Variants in KIAA1217 observed in about 807,000 individuals in gnomAD.
The protein encoded by KIAA1217 is sickle tail protein homolog.
In KIAA1217, 88 loss-of-function variants were observed where a neutral mutation model predicts 163.9. The observed-to-expected ratio is 0.54, with a 90% CI of 0.45 to 0.64. The LOEUF (loss-of-function observed/expected upper bound fraction) is 0.64, where lower values mean the gene tolerates loss of function less well. KIAA1217 is among the 30% of genes least tolerant of loss of function. The pLI is 0.00. For synonymous variants in KIAA1217, 903 were observed against 923.1 expected (o/e 0.98, Z 0.39); for missense variants, 2,372 against 2,475.0 (o/e 0.96, Z 0.88).
intron 2 of KIAA1217, among the ~76,000 whole-genome samples, chr10:24,290,891 C>T (rs530222172): frequency 3.3e-5 from 5 of 152,230 alleles, no homozygotes; most frequent in Non-Finnish European, 4.4e-5. Context: ...CATGATCCAC[C>T]GTGCCTGGCC....
At chr10:23,973,496 C>T (rs1158846033) in intron 1 of KIAA1217, among the ~76,000 whole-genome samples, 1 of 152,184 alleles carries the variant, frequency 6.6e-6, no homozygotes, top group Non-Finnish European at 1.5e-5. Flanking sequence ...ACCGTTCATT[C>T]CTGAAGTGGT....
In KIAA1217 at chr10:24,254,715, G is replaced by A. The variant is rs193190960; in HGVS notation, c.354+34806G>A. Among the ~76,000 whole-genome samples the A allele has an allele frequency of 1.4e-4, 22 of 152,316 alleles. No individual in the cohort carries two copies. The East Asian group carries it at 2.7e-3, about 19-fold the overall frequency. On this transcript the variant is annotated intron_variant, in intron 2 of 20. Coordinates refer to ENST00000376454, the MANE Select transcript of KIAA1217 (RefSeq NM_019590.5). ...CAGTTGGTGATTTGGGCTTTGCCAC[G>A]TGGTGGGAATGACACAATAAATATA...
At chr10:24,542,109 T>G (rs950603530) in intron 17 of KIAA1217, among the ~76,000 whole-genome samples, 1 of 152,204 alleles carries the variant, frequency 6.6e-6, no homozygotes, top group Non-Finnish European at 1.5e-5. Flanking sequence ...CGTCCCCAAA[T>G]GCCAAACCCA....
At position 24,286,455 on chromosome 10, in the gene KIAA1217, T is replaced by TACAC. The variant is rs564445274; in HGVS notation, c.354+66560_354+66563dup. On this transcript the variant is annotated intron_variant, in intron 2 of 20. Coordinates refer to ENST00000376454, the MANE Select transcript of KIAA1217 (RefSeq NM_019590.5). Reference sequence around the variant, plus strand: ...ACACACACACACGCATATATATATATACACACACACACACACATACACATA... The same window carrying TACAC: ...ACACACACACACGCATATATATATATACACACACACACACACACACATACACATA... Among the ~76,000 whole-genome samples, 1,414 of 150,244 alleles carry TACAC rather than the reference T, an allele frequency of 9.4e-3. 28 individuals carry two copies. Among genetic ancestry groups the TACAC allele is most frequent in the East Asian group, 0.082 (422 of 5,118 alleles).
At chr10:24,069,412 T>G (rs1226435289) in intron 2 of KIAA1217, among the ~76,000 whole-genome samples, 1 of 152,082 alleles carries the variant, frequency 6.6e-6, no homozygotes, top group African/African-American at 2.4e-5. Context: ...TTGTTCTCTG[T>G]AGCCCCAGGT....
chr10:23,879,428 A>G (rs1316663210), intron 1 of KIAA1217, among the ~76,000 whole-genome samples: 3 of 151,972 alleles, frequency 2.0e-5, no homozygotes, highest in Non-Finnish European at 2.9e-5. Context: ...AGACAGGAGA[A>G]TAAGCAGAGT....
chr10:23,804,794 G>T (rs549472178), intron 1 of KIAA1217, among the ~76,000 whole-genome samples: 1 of 152,258 alleles, frequency 6.6e-6, no homozygotes, highest in South Asian at 2.1e-4. Flanking sequence ...AGACTATATT[G>T]CTCCTATTAG....
intron 1 of KIAA1217, among the ~76,000 whole-genome samples, chr10:23,750,838 A>G (rs756206908): frequency 1.3e-5 from 2 of 152,094 alleles, no homozygotes; most frequent in Non-Finnish European, 2.9e-5. Context: ...TAATATGGTC[A>G]AGTACTTTCT....
At chr10:24,063,222 T>C (rs964915173) in intron 2 of KIAA1217, among the ~76,000 whole-genome samples, 4 of 152,224 alleles carry the variant, frequency 2.6e-5, no homozygotes, top group Non-Finnish European at 5.9e-5. Flanking sequence ...CCCATGCCTA[T>C]GTCCTGAATG....
At chr10:24,541,469 TTAAG>T (rs1462841948) in intron 17 of KIAA1217, among the ~76,000 whole-genome samples, 3 of 152,190 alleles carry the variant, frequency 2.0e-5, no homozygotes, top group African/African-American at 7.2e-5. Context: ...CTTTCCATTC[TTAAG>T]TAAGGTCATA....
intron 1 of KIAA1217, among the ~76,000 whole-genome samples, chr10:23,868,510 A>G (rs962733049): frequency 1.3e-5 from 2 of 152,070 alleles, no homozygotes; most frequent in African/African-American, 4.8e-5. Context: ...TCTGTTACCA[A>G]ATCATGACTC....
chr10:24,176,174 GAC>G (rs1419054013), intron 2 of KIAA1217, among the ~76,000 whole-genome samples: 2 of 152,190 alleles, frequency 1.3e-5, no homozygotes, highest in Non-Finnish European at 2.9e-5. Context: ...CTCTGAGCTA[GAC>G]ACAGAGTGCT....
At position 24,210,043 on chromosome 10, in the gene KIAA1217, G is replaced by T. The variant is rs554302917; in HGVS notation, c.70+780G>T. 1.8e-4 allele frequency among the ~76,000 whole-genome samples: 27 copies of T among 152,228 alleles called. No individual in the cohort carries two copies. In the South Asian group the frequency reaches 5.6e-3, roughly 32 times the overall value. On this transcript the variant is annotated intron_variant, in intron 1 of 20. Coordinates refer to ENST00000376454, the MANE Select transcript of KIAA1217 (RefSeq NM_019590.5). Reference sequence around the variant, plus strand: ...AGAGCTGATTCTGTGGGATCCTATAGGCAGCATGTTCATAAACCACACAGC... The same window carrying T: ...AGAGCTGATTCTGTGGGATCCTATATGCAGCATGTTCATAAACCACACAGC...
chr10:23,818,178 A>T (rs1176536218), intron 1 of KIAA1217, among the ~76,000 whole-genome samples: 1 of 144,170 alleles, frequency 6.9e-6, no homozygotes, highest in East Asian at 2.0e-4. Flanking sequence ...GTACGATGAC[A>T]TCAATAAAGG....
At chr10:24,366,138 T>A (rs962695156) in intron 2 of KIAA1217, among the ~76,000 whole-genome samples, 12 of 152,162 alleles carry the variant, frequency 7.9e-5, no homozygotes, top group Admixed American at 3.3e-4. Flanking sequence ...CATGTTTTTT[T>A]AAAAAGTTAA....
At chr10:24,290,125 C>A (rs971023144) in intron 2 of KIAA1217, among the ~76,000 whole-genome samples, 1 of 151,992 alleles carries the variant, frequency 6.6e-6, no homozygotes, top group Admixed American at 6.6e-5. Flanking sequence ...ACCAAAGAAC[C>A]AGGAGGTCAA....
At chr10:24,495,000 G>A (rs2066611547) in intron 7 of KIAA1217, 147 bp from the exon 8 acceptor site, 1 of 664,586 alleles carries the variant, frequency 1.5e-6, no homozygotes. Context: ...TTCCATCCTG[G>A]CCAATTGTGA....
chr10:24,216,853 A>C (rs1030394406), intron 1 of KIAA1217, among the ~76,000 whole-genome samples: 3 of 150,228 alleles, frequency 2.0e-5, no homozygotes, highest in African/African-American at 7.3e-5. Flanking sequence ...AAGGTAAAAA[A>C]TAAAATAAAA....
chr10:23,952,580 C>A (rs943949375), intron 1 of KIAA1217, among the ~76,000 whole-genome samples: 1 of 152,192 alleles, frequency 6.6e-6, no homozygotes, highest in Non-Finnish European at 1.5e-5. Context: ...GCCATTTTCT[C>A]CATTTAGGGA....
Sources: allele counts gnomAD v4.1 joint callset (sites outside exome capture counted in the v4.1 genomes callset), GRCh38; gene constraint gnomAD v4.1.1; transcripts MANE v1.5; gene names NCBI Gene and HGNC (gene_info 2026-07-23, HGNC 2026-07-21).